Variants in PIP5K1C observed in about 807,000 individuals in gnomAD.
PIP5K1C encodes phosphatidylinositol-4-phosphate 5-kinase type 1 gamma, also known as phosphatidylinositol 4-phosphate 5-kinase type-1 gamma.
A neutral mutation model predicts 80.1 loss-of-function variants in PIP5K1C; 45 were observed. That is an observed-to-expected ratio of 0.56 (90% CI 0.44 to 0.72). PIP5K1C has a LOEUF of 0.72. Ranked by LOEUF, PIP5K1C falls within the 30% of genes least tolerant of loss-of-function variation. PIP5K1C has a pLI of 0.00. For synonymous variants in PIP5K1C, 498 were observed against 420.1 expected (o/e 1.19, Z -2.27); for missense variants, 753 against 954.6 (o/e 0.79, Z 2.78).
chr19:3,681,330 A>C (rs2035582981), intron 1 of PIP5K1C, among the ~76,000 whole-genome samples: 1 of 151,554 alleles, frequency 6.6e-6, no homozygotes, highest in African/African-American at 2.4e-5. Flanking sequence ...TCCTGGGTTC[A>C]AGCGATTCTC....
chr19:3,661,379 G>A (rs2034828620), intron 4 of PIP5K1C, among the ~76,000 whole-genome samples: 1 of 152,248 alleles, frequency 6.6e-6, no homozygotes, highest in African/African-American at 2.4e-5. Context: ...TCACGTGACT[G>A]CACTCAGCCA....
chr19:3,637,638 CGGA>C lies in PIP5K1C; in HGVS notation c.1920+1243_1920+1245del, dbSNP rs1196611588. ...ACTGGACGGGGCGGGCCGGGTGGGC[CGGA>C]GGAGGAAGGAAAACAGAGGACAGCG... On this transcript the variant is annotated intron_variant, in intron 16 of 17. Transcript: ENST00000335312. The surrounding 1 kb of genome is among the most constrained non-coding windows in gnomAD (Gnocchi z 7.0). 1.3e-5 allele frequency: 20 copies of C among 1,515,004 alleles called. No homozygotes were observed. Among genetic ancestry groups the C allele is most frequent in the Non-Finnish European group, 1.7e-5 (19 of 1,134,134 alleles). 93.8% of individuals were successfully genotyped at this position (1,515,004 alleles called of 1,614,324 possible).
intron 1 of PIP5K1C, among the ~76,000 whole-genome samples, chr19:3,679,785 T>G (rs1600069405): frequency 6.6e-6 from 1 of 152,088 alleles, no homozygotes; most frequent in Admixed American, 6.5e-5. Context: ...ACCTGCAGGG[T>G]TGGAGGGGCC....
intron 1 of PIP5K1C, among the ~76,000 whole-genome samples, chr19:3,672,316 T>C (rs1024482787): frequency 5.3e-5 from 8 of 152,212 alleles, no homozygotes; most frequent in African/African-American, 1.9e-4. Flanking sequence ...CCCTGGACAC[T>C]GTGTCCCACA....
chr19:3,691,292 G>A (rs543701016), intron 1 of PIP5K1C, among the ~76,000 whole-genome samples: 1 of 152,302 alleles, frequency 6.6e-6, no homozygotes, highest in South Asian at 2.1e-4. Flanking sequence ...CAGTGCTGAT[G>A]CTGCGTTTTG....
chr19:3,638,519 C>A (rs1185931745), intron 16 of PIP5K1C, among the ~76,000 whole-genome samples: 1 of 152,242 alleles, frequency 6.6e-6, no homozygotes, highest in East Asian at 1.9e-4. Flanking sequence ...CAGGGCCTCC[C>A]GAGGGGCCAA....
chr19:3,675,781 C>T (rs747597225), intron 1 of PIP5K1C, among the ~76,000 whole-genome samples: 36 of 152,316 alleles, frequency 2.4e-4, no homozygotes, highest in Non-Finnish European at 4.0e-4. Context: ...TCACTGGGGC[C>T]GTCCTGGGCA....
intron 1 of PIP5K1C, among the ~76,000 whole-genome samples, chr19:3,698,342 C>A (rs1321711125): frequency 6.6e-6 from 1 of 152,264 alleles, no homozygotes; most frequent in Admixed American, 6.5e-5. Context: ...GACGGCCACA[C>A]AGCACCTGAA....
intron 17 of PIP5K1C, 112 bp from the exon 18 acceptor site, chr19:3,633,281 G>A (rs141320115): frequency 1.9e-4 from 126 of 674,458 alleles, no homozygotes; most frequent in African/African-American, 3.0e-4. Context: ...CTTAGCCCAC[G>A]GCCACCTCAG....
At chr19:3,660,380 GA>G (rs34093571) in intron 5 of PIP5K1C, among the ~76,000 whole-genome samples, 174 of 142,604 alleles carry the variant, frequency 1.2e-3, no homozygotes, top group African/African-American at 2.9e-3. Context: ...ACTCTGTCTC[GA>G]AAAAAAAAAA....
Position 3,642,919 on chromosome 19 carries a change from C to T in PIP5K1C, c.1670G>A (p.Gly557Glu). Residue 557 changes from glycine (G) to glutamate (E), a missense_variant, in exon 14 of 18, where the codon GGA (glycine) becomes GAA (glutamate). By Grantham distance (98) the Gly-to-Glu change is moderately conservative. Coordinates refer to ENST00000335312, the MANE Select transcript of PIP5K1C (RefSeq NM_012398.3). Reference sequence around the variant, plus strand: ...GGTTGGGTCTCACCTGCCATCCTGTCCAGACGACTGTGTGCGCCGCCTGCA... The same window carrying T: ...GGTTGGGTCTCACCTGCCATCCTGTTCAGACGACTGTGTGCGCCGCCTGCA... ...PRYRRRTQSSGQDGRPQEEPP... is the reference protein window; with the variant it reads ...PRYRRRTQSSEQDGRPQEEPP... The T allele has an allele frequency of 1.2e-6, 2 of 1,613,516 alleles. No homozygotes were observed. The highest frequency in any genetic ancestry group is 4.5e-5 in the East Asian group (2 of 44,860).
chr19:3,636,337 A>G (rs1284358581), intron 16 of PIP5K1C: 1 of 963,468 alleles, frequency 1.0e-6, no homozygotes, highest in African/African-American at 1.8e-5. Context: ...CAGCCTCTTC[A>G]GCACTCAGGC....
Position 3,652,043 on chromosome 19 carries a change from G to A in PIP5K1C, c.922-12C>T, listed in dbSNP as rs756236992. The A allele has an allele frequency of 2.2e-5, 35 of 1,611,964 alleles. No homozygotes were observed. The highest frequency in any genetic ancestry group is 1.0e-4 in the Admixed American group (6 of 59,998). On this transcript the variant is annotated splice_polypyrimidine_tract_variant and intron_variant, in intron 7 of 17. Transcript: ENST00000335312. ...AAACTTTCCAGGACCTGGCGGGATC[G>A]GGCAGGAACACGCCACGCCGTCAGC...
chr19:3,637,121 C>T lies in PIP5K1C; in HGVS notation c.1920+1763G>A. On this transcript the variant is annotated intron_variant, in intron 16 of 17. Transcript: ENST00000335312. This position sits in a 1 kb window ranked among gnomAD's most constrained non-coding sequence, Gnocchi z 7.0. ...CCTGCAGCCACTCTGCTGACCTGTG[C>T]AACCTCCCCTGTGCAGCCAGCGGGG... is the stretch of plus-strand genomic sequence containing the variant. 7.3e-7 allele frequency: 1 copy of T among 1,362,300 alleles called. No individual in the cohort carries two copies. Among genetic ancestry groups the T allele is most frequent in the Non-Finnish European group, 9.5e-7 (1 of 1,054,536 alleles). The allele number at this position is 1,362,300 out of a possible 1,614,324, so 84.4% of individuals were successfully genotyped here.
At chr19:3,699,543 G>C (rs1219479562) in intron 1 of PIP5K1C, among the ~76,000 whole-genome samples, 2 of 152,208 alleles carry the variant, frequency 1.3e-5, no homozygotes, top group Non-Finnish European at 2.9e-5. Context: ...AGAGGATTTT[G>C]TGAATCCGGA....
intron 1 of PIP5K1C, among the ~76,000 whole-genome samples, chr19:3,693,958 A>G (rs1401548281): frequency 6.7e-6 from 1 of 149,816 alleles, no homozygotes; most frequent in East Asian, 2.0e-4. Context: ...CACACCTGTA[A>G]TCCCAGCACT....
chr19:3,652,110 C>G lies in PIP5K1C; in HGVS notation c.922-79G>C, dbSNP rs532335504. The G allele has an allele frequency of 2.1e-6, 3 of 1,406,320 alleles. No individual in the cohort carries two copies. The African/African-American group carries it at 4.2e-5, about 20-fold the overall frequency. The allele number at this position is 1,406,320 out of a possible 1,614,324, so 87.1% of individuals were successfully genotyped here. A position where few individuals can be genotyped will look rare whatever the true frequency, so the allele number is the denominator to read the frequency against. On this transcript the variant is annotated intron_variant, in intron 7 of 17. Transcript: ENST00000335312. ...AACGGCTCCCGGACCCTATGGGGTTCCCAGCACGGATGGCCCCGTGGGCTC... is the reference window on the plus strand; with the variant it reads ...AACGGCTCCCGGACCCTATGGGGTTGCCAGCACGGATGGCCCCGTGGGCTC...
intron 3 of PIP5K1C, among the ~76,000 whole-genome samples, chr19:3,662,833 T>C (rs1175502115): frequency 6.6e-6 from 1 of 151,760 alleles, no homozygotes; most frequent in Non-Finnish European, 1.5e-5. Context: ...CCCAAAATGC[T>C]GCGATTGCAC....
At chr19:3,693,005 T>C (rs1300792808) in intron 1 of PIP5K1C, among the ~76,000 whole-genome samples, 2 of 151,628 alleles carry the variant, frequency 1.3e-5, no homozygotes, top group African/African-American at 2.4e-5. Context: ...CCGCCGCCAC[T>C]CTCTCCCCTC....
Sources: gnomAD v4.1 joint callset for allele counts (sites outside exome capture counted in the v4.1 genomes callset) on GRCh38, gnomAD v4.1.1 for gene constraint, Gnocchi (gnomAD v3.1) non-coding constraint, MANE v1.5 for transcripts, NCBI Gene and HGNC (gene_info 2026-07-23, HGNC 2026-07-21) for gene names.